Variants in RNF13 observed in about 807,000 individuals in gnomAD.
RNF13 encodes E3 ubiquitin-protein ligase RNF13.
In RNF13, 19 loss-of-function variants were observed where a neutral mutation model predicts 37.7. The observed-to-expected ratio is 0.50, with a 90% CI of 0.35 to 0.74. The LOEUF (loss-of-function observed/expected upper bound fraction) is 0.74, where lower values mean the gene tolerates loss of function less well. Among genes scored for constraint, RNF13 ranks in the 30% least tolerant of loss-of-function variants. RNF13 has a pLI of 0.01. For missense variants in RNF13, 375 were observed against 453.0 expected (o/e 0.83, Z 1.56); for synonymous variants, 144 against 157.8 (o/e 0.91, Z 0.65).
chr3:149,898,970 C>T (rs989283130), intron 5 of RNF13, among the ~76,000 whole-genome samples: 2 of 151,998 alleles, frequency 1.3e-5, no homozygotes, highest in Non-Finnish European at 2.9e-5. Flanking sequence ...TCCAAGGAGA[C>T]GGAACAACAA....
At chr3:149,894,213 C>G (rs1240397788) in intron 4 of RNF13, among the ~76,000 whole-genome samples, 1 of 152,064 alleles carries the variant, frequency 6.6e-6, no homozygotes, top group Non-Finnish European at 1.5e-5. Flanking sequence ...ACTGTTGTCT[C>G]TTTCAGAAAT....
At chr3:149,876,818 G>A (rs991315240) in intron 4 of RNF13, among the ~76,000 whole-genome samples, 1 of 90,676 alleles carries the variant, frequency 1.1e-5, no homozygotes, top group Non-Finnish European at 2.0e-5. Flanking sequence ...TGCTCTTGTT[G>A]CCCAGGCTGG....
At chr3:149,912,139 C>A in intron 7 of RNF13, 56 bp downstream of exon 7, 1 of 824,716 alleles carries the variant, frequency 1.2e-6, no homozygotes. Flanking sequence ...AATCTAAAAA[C>A]ATTGTATTGA....
At chr3:149,883,725 G>T (rs566288849) in intron 4 of RNF13, among the ~76,000 whole-genome samples, 1 of 151,020 alleles carries the variant, frequency 6.6e-6, no homozygotes, top group African/African-American at 2.4e-5. Context: ...TAAGTTCTGG[G>T]GTACATGTAC....
intron 9 of RNF13, 39 bp from the exon 10 acceptor site, chr3:149,960,701 G>A (rs370392475): frequency 1.7e-5 from 26 of 1,546,936 alleles, no homozygotes; most frequent in Middle Eastern, 1.7e-4. Context: ...AGTATCAACC[G>A]CAGCATACTA....
intron 8 of RNF13, among the ~76,000 whole-genome samples, chr3:149,935,656 C>A (rs116671086): frequency 3.3e-3 from 498 of 152,204 alleles, no homozygotes; most frequent in Admixed American, 5.8e-3. Flanking sequence ...CGACAAAAAA[C>A]TTTACATCGT....
chr3:149,940,528 T>G (rs1437468966), intron 8 of RNF13, among the ~76,000 whole-genome samples: 1 of 152,190 alleles, frequency 6.6e-6, no homozygotes, highest in Non-Finnish European at 1.5e-5. Flanking sequence ...ATGTTTACTT[T>G]CTTTATGTAG....
chr3:149,856,694 C>T (rs773725150), intron 3 of RNF13, among the ~76,000 whole-genome samples: 15 of 152,168 alleles, frequency 9.9e-5, no homozygotes, highest in Admixed American at 5.9e-4. Context: ...CCTCCTGCTT[C>T]GGCCTCCTAA....
chr3:149,865,343 T>TATATATATATATATATATA (rs939468937), intron 3 of RNF13, among the ~76,000 whole-genome samples: 6 of 147,048 alleles, frequency 4.1e-5, no homozygotes, highest in South Asian at 2.1e-4. Flanking sequence ...TATATATATA[T>TATATATATATATATATATA]ATATATATGT....
chr3:149,878,639 G>T (rs998249997), intron 4 of RNF13, among the ~76,000 whole-genome samples: 8 of 152,102 alleles, frequency 5.3e-5, no homozygotes, highest in Non-Finnish European at 1.0e-4. Flanking sequence ...ATTCTCATCT[G>T]CATTGTTTTG....
At chr3:149,815,978 G>A (rs80234347) in intron 1 of RNF13, among the ~76,000 whole-genome samples, 4,042 of 151,714 alleles carry the variant, frequency 0.027, 70 homozygotes, top group South Asian at 0.037. Flanking sequence ...CTGCACCCTC[G>A]ACCTCCCGTG....
At chr3:149,876,771 C>CTTTTTTT (rs768071913) in intron 4 of RNF13, among the ~76,000 whole-genome samples, 49 of 82,490 alleles carry the variant, frequency 5.9e-4, no homozygotes, top group African/African-American at 7.6e-4. Context: ...GTCATCATAT[C>CTTTTTTT]TTTTTTTTTT....
At chr3:149,948,437 A>G (rs1320261154) in intron 8 of RNF13, among the ~76,000 whole-genome samples, 2 of 151,270 alleles carry the variant, frequency 1.3e-5, no homozygotes, top group Non-Finnish European at 1.5e-5. Flanking sequence ...CTTTCCTCTC[A>G]CTGTGTTTTT....
At position 149,960,950 on chromosome 3, in the gene RNF13, C is replaced by A; in HGVS notation, c.992C>A (p.Ser331Ter). 6.2e-7 allele frequency: 1 copy of A among 1,614,212 alleles called. No homozygotes were observed. Among genetic ancestry groups the A allele is most frequent in the East Asian group, 2.2e-5 (1 of 44,886 alleles). ...QSFGALSESR[S>*]HQNMTESSDY... ...TTTGGGGCTTTATCGGAATCCCGCT[C>A]ACATCAGAACATGACAGAATCTTCA... Residue 331 changes from serine to a stop codon, truncating the protein, a stop_gained, in exon 10 of 10, where the codon TCA (serine) becomes TAA (stop). Transcript: ENST00000392894. LOFTEE classifies it high-confidence loss of function.
rs1056863776 is a variant in RNF13 at position 149,826,859 on chromosome 3, C to T, written c.-17+13506C>T. On this transcript the variant is annotated intron_variant, in intron 1 of 9. Coordinates refer to ENST00000392894, the MANE Select transcript of RNF13 (RefSeq NM_183381.3). ...GCAACTTCTGCTTCCTGGGCTCAAA[C>T]GATCCTCATGCCTCAGCCTCCTGAG... Among the ~76,000 whole-genome samples the T allele has an allele frequency of 3.9e-5, 6 of 152,124 alleles. 1 individual carries two copies. Among genetic ancestry groups the T allele is most frequent in the South Asian group, 4.1e-4 (2 of 4,828 alleles).
intron 9 of RNF13, among the ~76,000 whole-genome samples, 171 bp downstream of exon 9, chr3:149,960,307 T>C (rs1225014315): frequency 6.6e-6 from 1 of 152,076 alleles, no homozygotes; most frequent in African/African-American, 2.4e-5. Context: ...TTATAAACTT[T>C]CAGGCCGGGC....
chr3:149,849,039 A>T (rs905804790), intron 2 of RNF13, among the ~76,000 whole-genome samples: 4 of 152,192 alleles, frequency 2.6e-5, no homozygotes, highest in Non-Finnish European at 4.4e-5. Context: ...TTTTAATAGC[A>T]TCTGTTCCTT....
intron 8 of RNF13, among the ~76,000 whole-genome samples, chr3:149,926,718 CT>C (rs1718690470): frequency 6.6e-6 from 1 of 152,106 alleles, no homozygotes; most frequent in Non-Finnish European, 1.5e-5. Context: ...TGAAAATACA[CT>C]GTTCTGCAGT....
chr3:149,896,250 C>G (rs1157366622), intron 5 of RNF13, among the ~76,000 whole-genome samples: 2 of 151,996 alleles, frequency 1.3e-5, no homozygotes, highest in African/African-American at 4.8e-5. Context: ...TTATTTTATT[C>G]TTTTGAGTGC....
Sources: gnomAD v4.1 joint callset for allele counts (sites outside exome capture counted in the v4.1 genomes callset) on GRCh38, gnomAD v4.1.1 for gene constraint, MANE v1.5 for transcripts, NCBI Gene and HGNC (gene_info 2026-07-23, HGNC 2026-07-21) for gene names.